The following EFHC2 variants were observed in gnomAD, a reference collection of about 807,000 sequenced individuals.
The protein encoded by EFHC2 is EF-hand domain-containing family member C2.
EFHC2 carries 18 observed loss-of-function variants against 52.7 expected under a neutral mutation model. The observed-to-expected ratio is 0.34, with a 90% confidence interval of 0.24 to 0.51. The LOEUF (loss-of-function observed/expected upper bound fraction) is 0.51, where lower values mean the gene tolerates loss of function less well. EFHC2 is among the 20% of genes least tolerant of loss of function. EFHC2 has a pLI of 0.97. For synonymous variants in EFHC2, 203 were observed against 204.1 expected, an observed-to-expected ratio of 0.99 and a Z score of 0.04; for missense variants, 513 against 562.5, an observed-to-expected ratio of 0.91 and a Z score of 0.89.
At chrX:44,179,477 T>C (rs2036817230) in intron 11 of EFHC2, among the ~76,000 whole-genome samples, 1 of 112,093 alleles carries the variant, frequency 8.9e-6, no homozygotes, top group Admixed American at 9.4e-5. Context: ...TGCTTTCAGT[T>C]CTTTTAGGTA....
chrX:44,331,567 A>G (rs1408676942), intron 1 of EFHC2, among the ~76,000 whole-genome samples: 2 of 112,143 alleles, frequency 1.8e-5, no homozygotes, highest in Non-Finnish European at 3.8e-5. Flanking sequence ...GGAAATCTGA[A>G]TAAGATCAGT....
intron 2 of EFHC2, among the ~76,000 whole-genome samples, chrX:44,283,611 C>T (rs1157995512): frequency 2.0e-5 from 2 of 99,787 alleles, no homozygotes; most frequent in Non-Finnish European, 4.0e-5. Context: ...GAGTGCGTTC[C>T]GGGCTCGGAC....
intron 1 of EFHC2, 68 bp downstream of exon 1, chrX:44,343,479 C>A: frequency 8.7e-7 from 1 of 1,152,352 alleles, no homozygotes; most frequent in Non-Finnish European, 1.2e-6. Flanking sequence ...GAGGTGGCCA[C>A]GCCACGACCC....
rs374567264 is a variant in EFHC2, at chrX:44,176,360, G to A, written c.1974C>T (p.Asp658=). 3.9e-5 allele frequency: 47 copies of A among 1,194,789 alleles called. 1 individual carries two copies. Among genetic ancestry groups the A allele is most frequent in the African/African-American group, 3.3e-4 (19 of 57,015 alleles). The part of the protein sequence containing the change: ...REKKNVLPTK[D]IKRLCKSSRL... ...TGGAGGATTTGCACAGCCTTTTAAT[G>A]TCTTTGGTGGGTAATACATTTTTTC... Residue 658 remains aspartate, a synonymous_variant, in exon 13 of 15, where the codon GAC becomes GAT. Transcript: ENST00000420999.
intron 11 of EFHC2, among the ~76,000 whole-genome samples, chrX:44,210,838 A>G (rs1358115384): frequency 8.9e-6 from 1 of 112,501 alleles, no homozygotes; most frequent in African/African-American, 3.2e-5. Flanking sequence ...GGACTTAATC[A>G]GAATTTAAAA....
intron 2 of EFHC2, among the ~76,000 whole-genome samples, chrX:44,276,063 T>C (rs921306764): frequency 9.0e-6 from 1 of 111,180 alleles, no homozygotes; most frequent in African/African-American, 3.3e-5. Context: ...CCCTATGATA[T>C]TATATGAGGT....
At chrX:44,315,774 A>G (rs1483901694) in intron 1 of EFHC2, among the ~76,000 whole-genome samples, 2 of 111,146 alleles carry the variant, frequency 1.8e-5, no homozygotes, top group African/African-American at 6.6e-5. Flanking sequence ...AAGCAGGGTT[A>G]GGAGTGATGT....
At chrX:44,326,371 G>C (rs952168628) in intron 1 of EFHC2, among the ~76,000 whole-genome samples, 3 of 111,134 alleles carry the variant, frequency 2.7e-5, no homozygotes, top group Non-Finnish European at 5.7e-5. Context: ...TTTTCAAAAA[G>C]CTAGAAGAGA....
chrX:44,159,495 C>T (rs966035978), intron 14 of EFHC2, among the ~76,000 whole-genome samples: 7 of 112,269 alleles, frequency 6.2e-5, no homozygotes, highest in African/African-American at 2.3e-4. Flanking sequence ...TAATAACAAG[C>T]TTATCAGTAC....
intron 4 of EFHC2, among the ~76,000 whole-genome samples, chrX:44,252,088 G>A (rs7887882): frequency 9.0e-6 from 1 of 111,729 alleles, no homozygotes. Context: ...TCAAGGATAA[G>A]AATGCCCCGG....
At chrX:44,209,019 CTGTGTGTGTGTGTGTGTGTGTGTG>C (rs753101565) in intron 11 of EFHC2, among the ~76,000 whole-genome samples, 1,760 of 69,944 alleles carry the variant, frequency 0.025, 61 homozygotes, top group East Asian at 0.12. Flanking sequence ...GATTGGCAAT[CTGTGTGTGTGTGTGTGTGTGTGTG>C]TGTGTGTGTG....
chrX:44,265,370 C>A (rs1365621348), intron 3 of EFHC2, among the ~76,000 whole-genome samples: 1 of 111,221 alleles, frequency 9.0e-6, no homozygotes, highest in Non-Finnish European at 1.9e-5. Flanking sequence ...CTCCCAGGCT[C>A]AAGCGATCCT....
intron 11 of EFHC2, among the ~76,000 whole-genome samples, chrX:44,225,213 G>A (rs2037222819): frequency 9.5e-6 from 1 of 105,766 alleles, no homozygotes; most frequent in East Asian, 3.0e-4. Flanking sequence ...ATTCCCACAA[G>A]GCAAAAGAGA....
intron 2 of EFHC2, among the ~76,000 whole-genome samples, chrX:44,301,109 CA>C (rs777876518): frequency 4.0e-3 from 172 of 42,779 alleles, no homozygotes; most frequent in South Asian, 0.013. Context: ...GACTCTATCT[CA>C]AAAAAAAAAA....
chrX:44,332,866 G>A (rs1490268521), intron 1 of EFHC2, among the ~76,000 whole-genome samples: 2 of 111,631 alleles, frequency 1.8e-5, no homozygotes, highest in Admixed American at 9.5e-5. Flanking sequence ...CATGTATCCC[G>A]AGAGACTTAT....
intron 7 of EFHC2, among the ~76,000 whole-genome samples, chrX:44,242,726 C>T (rs774811653): frequency 3.6e-4 from 40 of 110,960 alleles, no homozygotes; most frequent in Non-Finnish European, 6.2e-4. Context: ...ACAGGACTTA[C>T]TCCTGACTAT....
At chrX:44,310,386 C>T in intron 2 of EFHC2, 1 of 997,769 alleles carries the variant, frequency 1.0e-6, no homozygotes, top group East Asian at 3.3e-5. Flanking sequence ...GGCCTGTTCA[C>T]CTTGTCGACC....
intron 2 of EFHC2, among the ~76,000 whole-genome samples, chrX:44,305,355 T>C (rs747899488): frequency 8.9e-6 from 1 of 112,091 alleles, no homozygotes; most frequent in East Asian, 2.8e-4. Flanking sequence ...ATTGGATCAG[T>C]ATTACTGATT....
chrX:44,325,281 ATGGCAACCTGCCTT>A (rs1411964232), intron 1 of EFHC2, among the ~76,000 whole-genome samples: 3 of 111,760 alleles, frequency 2.7e-5, no homozygotes, highest in Non-Finnish European at 5.6e-5. Context: ...TTAAGATGGC[ATGGCAACCTGCCTT>A]TGCCATAGTG....
Sources: allele counts gnomAD v4.1 joint callset (sites outside exome capture counted in the v4.1 genomes callset), GRCh38; gene constraint gnomAD v4.1.1; transcripts MANE v1.5; gene names NCBI Gene and HGNC (gene_info 2026-07-23, HGNC 2026-07-21).